Variants in MAP7 observed in about 807,000 individuals in gnomAD.
MAP7 encodes ensconsin.
A neutral mutation model predicts 94.8 loss-of-function variants in MAP7; 52 were observed. The ratio of observed to expected loss-of-function variants is 0.55; its 90% CI spans 0.44 to 0.69. MAP7 has a LOEUF of 0.69. MAP7 is among the 30% of genes least tolerant of loss of function. MAP7 has a pLI of 0.00. For synonymous variants in MAP7, 350 were observed against 357.0 expected, an observed-to-expected ratio of 0.98 and a Z score of 0.22; for missense variants, 940 against 964.6, an observed-to-expected ratio of 0.97 and a Z score of 0.34.
At chr6:136,438,351 C>A (rs1796926100) in intron 1 of MAP7, among the ~76,000 whole-genome samples, 1 of 152,198 alleles carries the variant, frequency 6.6e-6, no homozygotes, top group African/African-American at 2.4e-5. Flanking sequence ...TAGAAGTGGT[C>A]AGAAAGGGTC....
intron 1 of MAP7, among the ~76,000 whole-genome samples, chr6:136,505,240 A>C (rs1016274559): frequency 7.4e-6 from 1 of 134,678 alleles, no homozygotes; most frequent in Admixed American, 7.7e-5. Context: ...TGTATATTAC[A>C]TTTCCATGTA....
chr6:136,547,843 A>T (rs1274382385), intron 1 of MAP7, among the ~76,000 whole-genome samples: 1 of 152,168 alleles, frequency 6.6e-6, no homozygotes, highest in Non-Finnish European at 1.5e-5. Context: ...ACACACTCAC[A>T]CATATAATTC....
intron 1 of MAP7, among the ~76,000 whole-genome samples, chr6:136,423,735 A>C (rs1432931588): frequency 3.3e-5 from 5 of 151,218 alleles, no homozygotes; most frequent in Admixed American, 6.6e-5. Flanking sequence ...TAAAAAAAAA[A>C]AAAACAAAAC....
At chr6:136,469,765 G>A in intron 1 of MAP7, among the ~76,000 whole-genome samples, 1 of 152,174 alleles carries the variant, frequency 6.6e-6, no homozygotes, top group East Asian at 1.9e-4. Flanking sequence ...CAAACTGATA[G>A]CTTACAATTT....
In MAP7 at chr6:136,361,129, C is replaced by G. The variant is rs35107962; in HGVS notation, c.1577G>C (p.Arg526Pro). The G allele has an allele frequency of 1.2e-6, 2 of 1,605,606 alleles. No homozygotes were observed. The highest frequency in any genetic ancestry group is 1.7e-6 in the Non-Finnish European group (2 of 1,179,924). ...AQRVAEERTT[R>P]REEESRRLEA... is the part of the protein sequence containing the mutation. The stretch of plus-strand genomic sequence containing the variant: ...CAGCCTGCGCGACTCCTCCTCACGG[C>G]GAGTCGTCCTCTCTTCAGCCACACG... The change falls in exon 12 of 18, where the codon CGC (arginine) becomes CCC (proline). Residue 526 changes from arginine to proline, a missense_variant. Coordinates refer to ENST00000354570, the MANE Select transcript of MAP7 (RefSeq NM_003980.6).
intron 1 of MAP7, among the ~76,000 whole-genome samples, chr6:136,530,014 G>C (rs372568793): frequency 6.6e-6 from 1 of 152,126 alleles, no homozygotes; most frequent in Non-Finnish European, 1.5e-5. Flanking sequence ...ATACACATAC[G>C]CACACATAGA....
chr6:136,352,817 T>A (rs1315865596), intron 16 of MAP7, among the ~76,000 whole-genome samples: 2 of 152,152 alleles, frequency 1.3e-5, no homozygotes, highest in Non-Finnish European at 2.9e-5. Context: ...TAACTATGGG[T>A]CCTAACCTTG....
At chr6:136,467,349 T>C (rs2128928850) in intron 1 of MAP7, among the ~76,000 whole-genome samples, 2 of 152,280 alleles carry the variant, frequency 1.3e-5, no homozygotes, top group South Asian at 2.1e-4. Flanking sequence ...TTAAAATCAG[T>C]CAGGCAGAGT....
At chr6:136,507,346 G>A (rs1013772684) in intron 1 of MAP7, among the ~76,000 whole-genome samples, 2 of 151,582 alleles carry the variant, frequency 1.3e-5, no homozygotes, top group South Asian at 2.1e-4. Flanking sequence ...AGAGAAGGAC[G>A]GGAAGGGGGG....
chr6:136,378,514 T>G (rs948129720), intron 6 of MAP7, among the ~76,000 whole-genome samples: 1 of 152,198 alleles, frequency 6.6e-6, no homozygotes, highest in Non-Finnish European at 1.5e-5. Flanking sequence ...GGTCCCTTTT[T>G]GGCAACAATA....
intron 1 of MAP7, among the ~76,000 whole-genome samples, chr6:136,495,564 G>A (rs1817961972): frequency 6.6e-6 from 1 of 151,986 alleles, no homozygotes; most frequent in Admixed American, 6.6e-5. Flanking sequence ...AAGTCACGTG[G>A]GTGCTCAAAA....
Position 136,452,396 on chromosome 6 carries a change from A to C in MAP7, c.68-30597T>G, listed in dbSNP as rs549886857. Among the ~76,000 whole-genome samples the C allele has an allele frequency of 2.0e-5, 3 of 152,348 alleles. No individual in the cohort carries two copies. In the South Asian group the frequency reaches 6.2e-4, roughly 32 times the overall value. On this transcript the variant is annotated intron_variant, in intron 1 of 17. Coordinates refer to ENST00000354570, the MANE Select transcript of MAP7 (RefSeq NM_003980.6). ...TAGAGAGGAACTGACCCCAATTTTG[A>C]AAGTTGTACTGTAGGTAAAAAGCTA...
chr6:136,362,818 A>C, intron 10 of MAP7, 116 bp from the exon 11 acceptor site: 2 of 1,452,082 alleles, frequency 1.4e-6, no homozygotes, highest in Non-Finnish European at 1.8e-6. Flanking sequence ...AGAAAAGGGA[A>C]TGTTTATTAC....
At chr6:136,432,981 C>T (rs1464846358) in intron 1 of MAP7, among the ~76,000 whole-genome samples, 1 of 152,002 alleles carries the variant, frequency 6.6e-6, no homozygotes, top group Non-Finnish European at 1.5e-5. Flanking sequence ...CTCAAGTAAT[C>T]CTCCCACCTC....
intron 1 of MAP7, among the ~76,000 whole-genome samples, chr6:136,447,882 G>T (rs1799824703): frequency 6.6e-6 from 1 of 152,136 alleles, no homozygotes; most frequent in Non-Finnish European, 1.5e-5. Context: ...AAGCAGTTTG[G>T]CCAAACAGCT....
intron 15 of MAP7, among the ~76,000 whole-genome samples, chr6:136,358,921 T>C (rs1424393819): frequency 6.6e-6 from 1 of 152,056 alleles, no homozygotes; most frequent in Non-Finnish European, 1.5e-5. Context: ...CCCCTGTGGG[T>C]AGAGGGACTT....
intron 1 of MAP7, among the ~76,000 whole-genome samples, chr6:136,481,160 C>A (rs912893045): frequency 6.6e-6 from 1 of 152,112 alleles, no homozygotes; most frequent in Non-Finnish European, 1.5e-5. Context: ...AACCCTTGTA[C>A]AATGCTGGTG....
At chr6:136,423,251 G>T (rs1562383772) in intron 1 of MAP7, among the ~76,000 whole-genome samples, 1 of 152,130 alleles carries the variant, frequency 6.6e-6, no homozygotes, top group Non-Finnish European at 1.5e-5. Context: ...TGAATCCTCA[G>T]CATGTCACTT....
intron 2 of MAP7, among the ~76,000 whole-genome samples, chr6:136,415,271 A>G (rs1452543711): frequency 6.6e-6 from 1 of 152,220 alleles, no homozygotes; most frequent in African/African-American, 2.4e-5. Flanking sequence ...TTATTTAATT[A>G]TAAAAGTTGA....
Sources: gnomAD v4.1 joint callset for allele counts (sites outside exome capture counted in the v4.1 genomes callset) on GRCh38, gnomAD v4.1.1 for gene constraint, MANE v1.5 for transcripts, NCBI Gene and HGNC (gene_info 2026-07-23, HGNC 2026-07-21) for gene names.